Variants in POU6F2 observed in about 807,000 individuals in gnomAD.
POU6F2 encodes the protein POU domain, class 6, transcription factor 2.
POU6F2 carries 31 observed loss-of-function variants against 71.3 expected under a neutral mutation model. The ratio of observed to expected loss-of-function variants is 0.43; its 90% CI spans 0.33 to 0.59. The LOEUF (loss-of-function observed/expected upper bound fraction) is 0.59, where lower values mean the gene tolerates loss of function less well. POU6F2 is among the 20% of genes least tolerant of loss of function. The pLI is 0.04. For synonymous variants in POU6F2, 347 were observed against 355.7 expected, an observed-to-expected ratio of 0.98 and a Z score of 0.27; for missense variants, 783 against 856.8, an observed-to-expected ratio of 0.91 and a Z score of 1.07.
rs79807152 is a variant in POU6F2 at position 39,429,859 on chromosome 7, A to G, written c.1114-3218A>G. On this transcript the variant is annotated intron_variant, in intron 6 of 9. Transcript: ENST00000518318. ...TCATTTCCTGATTTAGTTGAAACAT[A>G]TGTAGATGCAAATACTTCCCTTGAA... is the stretch of plus-strand genomic sequence containing the variant. Among the ~76,000 whole-genome samples the G allele has an allele frequency of 6.5e-3, 991 of 152,326 alleles. 7 individuals carry two copies. Among genetic ancestry groups the G allele is most frequent in the Non-Finnish European group, 0.01 (699 of 68,032 alleles).
At chr7:39,113,531 G>C (rs1525799) in intron 2 of POU6F2, among the ~76,000 whole-genome samples, 42,594 of 152,080 alleles carry the variant, frequency 0.28, 6,262 homozygotes, top group East Asian at 0.56. Context: ...CGAAACAGGA[G>C]CTAAAACAAA....
chr7:39,140,530 G>A lies in POU6F2; in HGVS notation c.277+54499G>A, dbSNP rs139040659. Among the ~76,000 whole-genome samples, 357 of 152,306 alleles carry A rather than the reference G, an allele frequency of 2.3e-3. 2 individuals are homozygous for A. Among genetic ancestry groups the A allele is most frequent in the African/African-American group, 8.2e-3 (341 of 41,558 alleles). On this transcript the variant is annotated intron_variant, in intron 2 of 9. Coordinates refer to ENST00000518318, the MANE Select transcript of POU6F2 (RefSeq NM_001370959.1). Reference sequence around the variant, plus strand: ...CCTCTTTCAGTTTCTGGTGGCTGCTGGCAGCCATTGGCTTGTGGCCACATC... The same window carrying A: ...CCTCTTTCAGTTTCTGGTGGCTGCTAGCAGCCATTGGCTTGTGGCCACATC...
chr7:39,179,729 A>G (rs1251896819), intron 2 of POU6F2, among the ~76,000 whole-genome samples: 2 of 152,226 alleles, frequency 1.3e-5, no homozygotes, highest in Non-Finnish European at 2.9e-5. Context: ...AATATTAGCA[A>G]GAGTGACAAA....
intron 1 of POU6F2, among the ~76,000 whole-genome samples, chr7:39,061,653 C>CTT (rs35966649): frequency 6.6e-6 from 1 of 151,942 alleles, no homozygotes; most frequent in Non-Finnish European, 1.5e-5. Flanking sequence ...ACAGAAAAGT[C>CTT]TTTTTGTATT....
chr7:39,302,619 A>G (rs1784970308), intron 4 of POU6F2, among the ~76,000 whole-genome samples: 1 of 152,272 alleles, frequency 6.6e-6, no homozygotes, highest in East Asian at 1.9e-4. Flanking sequence ...CACAAGACAT[A>G]CAGAATTTCA....
At chr7:39,101,279 G>C (rs1791566451) in intron 2 of POU6F2, among the ~76,000 whole-genome samples, 1 of 151,898 alleles carries the variant, frequency 6.6e-6, no homozygotes, top group Admixed American at 6.6e-5. Flanking sequence ...TCGCCATGTT[G>C]GCCAGGCTGG....
chr7:39,293,573 T>C (rs57142813), intron 4 of POU6F2, among the ~76,000 whole-genome samples: 1,606 of 152,316 alleles, frequency 0.011, 30 homozygotes, highest in African/African-American at 0.037. Flanking sequence ...GACCACGTGA[T>C]AGCCGAGGGA....
At chr7:39,452,447 A>G (rs1358458381) in intron 8 of POU6F2, among the ~76,000 whole-genome samples, 2 of 152,220 alleles carry the variant, frequency 1.3e-5, no homozygotes, top group African/African-American at 4.8e-5. Context: ...CTTATATATA[A>G]AACTGCAGAA....
intron 2 of POU6F2, among the ~76,000 whole-genome samples, chr7:39,179,518 C>CGCGCGCACAT (rs1045592022): frequency 6.6e-6 from 1 of 152,082 alleles, no homozygotes; most frequent in Non-Finnish European, 1.5e-5. Context: ...TGAGACCGCA[C>CGCGCGCACAT]GCGCGCACAT....
At chr7:39,159,039 G>A (rs59715724) in intron 2 of POU6F2, among the ~76,000 whole-genome samples, 1 of 151,764 alleles carries the variant, frequency 6.6e-6, no homozygotes, top group South Asian at 2.1e-4. Flanking sequence ...TTAGCCAGGT[G>A]TGGTGGTGCG....
Position 39,082,616 on chromosome 7 carries a change from G to A in POU6F2, c.106-3244G>A, listed in dbSNP as rs1791144569. On this transcript the variant is annotated intron_variant, in intron 1 of 9. Transcript: ENST00000518318. The stretch of plus-strand genomic sequence containing the variant: ...AGACTGCTATGGCTCTTGGCAGAGA[G>A]AGAATGACTTCCAAGCCGAGTGCTA... Among the ~76,000 whole-genome samples, 3 of 152,192 alleles carry A rather than the reference G, an allele frequency of 2.0e-5. No homozygotes were observed. In the South Asian group the frequency reaches 6.2e-4, roughly 32 times the overall value.
In POU6F2 at chr7:39,405,775, G is replaced by C. The variant is rs189542390; in HGVS notation, c.973-825G>C. ...TTGGCAGGAAGGAGAATATTGAATTGGTCTCCATGGAAAAACAGATTTTGG... is the reference window on the plus strand; with the variant it reads ...TTGGCAGGAAGGAGAATATTGAATTCGTCTCCATGGAAAAACAGATTTTGG... On this transcript the variant is annotated intron_variant, in intron 5 of 9. Transcript: ENST00000518318. Among the ~76,000 whole-genome samples the C allele has an allele frequency of 3.3e-5, 5 of 152,206 alleles. No homozygotes were observed. The East Asian group carries it at 9.6e-4, about 29-fold the overall frequency.
chr7:39,215,742 TGTG>T (rs1431761172), intron 4 of POU6F2, among the ~76,000 whole-genome samples: 1 of 152,128 alleles, frequency 6.6e-6, no homozygotes, highest in Non-Finnish European at 1.5e-5. Flanking sequence ...GGTCATAAGT[TGTG>T]GTCTCTACAC....
chr7:39,193,713 G>A (rs1230253372), intron 2 of POU6F2, among the ~76,000 whole-genome samples: 1 of 152,190 alleles, frequency 6.6e-6, no homozygotes, highest in Non-Finnish European at 1.5e-5. Flanking sequence ...TGAGTCGATG[G>A]CAGCTATTGC....
intron 5 of POU6F2, among the ~76,000 whole-genome samples, chr7:39,375,783 T>C (rs1177950263): frequency 2.0e-5 from 3 of 152,148 alleles, no homozygotes; most frequent in Non-Finnish European, 2.9e-5. Flanking sequence ...CCCAGAGCTG[T>C]CCTGTGACTA....
intron 1 of POU6F2, among the ~76,000 whole-genome samples, chr7:39,063,439 G>GA (rs1333761303): frequency 6.6e-6 from 1 of 152,202 alleles, no homozygotes; most frequent in Non-Finnish European, 1.5e-5. Flanking sequence ...ATTAGAAGAT[G>GA]AAAGTATAGG....
At chr7:39,454,754 A>T (rs1788760944) in intron 8 of POU6F2, among the ~76,000 whole-genome samples, 1 of 131,276 alleles carries the variant, frequency 7.6e-6, no homozygotes, top group Admixed American at 8.2e-5. Context: ...ATATCTTATT[A>T]CATCACAATA....
intron 5 of POU6F2, among the ~76,000 whole-genome samples, chr7:39,398,954 T>C (rs1227758241): frequency 1.3e-5 from 2 of 152,216 alleles, no homozygotes; most frequent in Non-Finnish European, 2.9e-5. Context: ...GATGTGCAGC[T>C]AACTACGGGC....
chr7:39,351,361 T>C (rs1473993401), intron 5 of POU6F2, among the ~76,000 whole-genome samples: 1 of 152,226 alleles, frequency 6.6e-6, no homozygotes, highest in African/African-American at 2.4e-5. Context: ...CAACCCTGTC[T>C]GTGCTTTGTC....
Sources: gnomAD v4.1 joint callset for allele counts (sites outside exome capture counted in the v4.1 genomes callset) on GRCh38, gnomAD v4.1.1 for gene constraint, MANE v1.5 for transcripts, NCBI Gene and HGNC (gene_info 2026-07-23, HGNC 2026-07-21) for gene names.